Variants in NCKAP1 observed in about 807,000 individuals in gnomAD.
NCKAP1 encodes NCK associated protein 1.
NCKAP1 carries 21 observed loss-of-function variants against 151.2 expected under a neutral mutation model. That is an observed-to-expected ratio of 0.14 (90% CI 0.10 to 0.20). NCKAP1 has a LOEUF of 0.20. Among genes scored for constraint, NCKAP1 ranks in the 10% least tolerant of loss-of-function variants. The pLI is 1.00. For synonymous variants in NCKAP1, 484 were observed against 451.8 expected (o/e 1.07, Z -0.90); for missense variants, 933 against 1,352.1 (o/e 0.69, Z 4.86).
intron 10 of NCKAP1, among the ~76,000 whole-genome samples, 160 bp downstream of exon 10, chr2:182,986,011 T>C (rs553779213): frequency 9.2e-5 from 14 of 152,268 alleles, no homozygotes; most frequent in African/African-American, 2.9e-4. Flanking sequence ...TCCAAGGTTC[T>C]ACATATTGAG....
In NCKAP1 at chr2:183,023,925, C is replaced by A; in HGVS notation, c.109-9G>T. ...TTGGGGTCTCCACATGCCTATAAAA[C>A]AACAGTAATAAAAAAAAGTGAAATG... On this transcript the variant is annotated splice_polypyrimidine_tract_variant and intron_variant, in intron 1 of 30. Transcript: ENST00000361354. The A allele has an allele frequency of 6.4e-7, 1 of 1,555,392 alleles. No individual in the cohort carries two copies. Among genetic ancestry groups the A allele is most frequent in the South Asian group, 1.2e-5 (1 of 83,864 alleles).
At chr2:183,005,919 G>A (rs957041544) in intron 2 of NCKAP1, among the ~76,000 whole-genome samples, 3 of 151,976 alleles carry the variant, frequency 2.0e-5, no homozygotes, top group African/African-American at 4.8e-5. Context: ...TCAGAAAACC[G>A]CACCTGATTG....
rs1027317348 is a variant in NCKAP1, at chr2:182,918,540, T to C, written c.*7162A>G. 6.6e-6 allele frequency: 1 copy of C among 152,206 alleles called. No homozygotes were observed. The highest frequency in any genetic ancestry group is 6.5e-5 in the Admixed American group (1 of 15,278). 9.4% of individuals were successfully genotyped at this position (152,206 alleles called of 1,614,324 possible). ...AAACAATGTCTTTTTGCAGCAACTATGATGGAGCCAGAGGCCATTATTCTA... is the reference window on the plus strand; with the variant it reads ...AAACAATGTCTTTTTGCAGCAACTACGATGGAGCCAGAGGCCATTATTCTA... On this transcript the variant is annotated 3_prime_UTR_variant, in exon 31 of 31. Coordinates refer to ENST00000361354, the MANE Select transcript of NCKAP1 (RefSeq NM_013436.5).
rs768555045 is a variant in NCKAP1, at chr2:183,002,214, G to A, written c.425C>T (p.Thr142Ile). 2.5e-6 allele frequency: 4 copies of A among 1,576,056 alleles called. No homozygotes were observed. The highest frequency in any genetic ancestry group is 1.4e-5 in the African/African-American group (1 of 73,962). ...NYLDLIITYTTLMILLSRIEE... is the reference protein window; with the variant it reads ...NYLDLIITYTILMILLSRIEE... The stretch of plus-strand genomic sequence containing the variant: ...AATTCGAGACAGCAGTATCATTAGT[G>A]TTGTATAGGTTATAATTAAATCTAA... Residue 142 changes from threonine to isoleucine, a missense_variant, in exon 5 of 31, where the codon ACA (threonine) becomes ATA (isoleucine). Coordinates refer to ENST00000361354, the MANE Select transcript of NCKAP1 (RefSeq NM_013436.5).
At chr2:182,993,822 A>G (rs1184224932) in intron 8 of NCKAP1, among the ~76,000 whole-genome samples, 2 of 152,140 alleles carry the variant, frequency 1.3e-5, no homozygotes, top group Non-Finnish European at 2.9e-5. Flanking sequence ...CAATTTACCT[A>G]TATAACAAAC....
At chr2:182,985,595 AG>A (rs1355214611) in intron 10 of NCKAP1, among the ~76,000 whole-genome samples, 1 of 152,060 alleles carries the variant, frequency 6.6e-6, no homozygotes. Context: ...TGAGGTCAGG[AG>A]TTCAAGACCA....
At chr2:183,012,268 T>G (rs1186028828) in intron 2 of NCKAP1, among the ~76,000 whole-genome samples, 2 of 152,118 alleles carry the variant, frequency 1.3e-5, no homozygotes, top group East Asian at 3.9e-4. Flanking sequence ...CTAAGAGTGG[T>G]GAAAATGCTG....
At chr2:182,956,626 A>G (rs776909384) in intron 19 of NCKAP1, 33 bp from the exon 20 acceptor site, 1 of 1,571,850 alleles carries the variant, frequency 6.4e-7, no homozygotes, top group South Asian at 1.2e-5. Flanking sequence ...TAAAATGTTC[A>G]CATGTCATCA....
chr2:182,952,397 T>C lies in NCKAP1; in HGVS notation c.2601+8A>G, dbSNP rs570057924. The C allele has an allele frequency of 1.9e-6, 3 of 1,561,088 alleles. No individual in the cohort carries two copies. In the South Asian group the frequency reaches 3.5e-5, roughly 18 times the overall value. ...TTTAAAAGCTAAAATTAATAAAGACTATATTACCTTAAGTTCAGCAACTTG... is the reference window on the plus strand; with the variant it reads ...TTTAAAAGCTAAAATTAATAAAGACCATATTACCTTAAGTTCAGCAACTTG... On this transcript the variant is annotated splice_region_variant and intron_variant, in intron 23 of 30. Coordinates refer to ENST00000361354, the MANE Select transcript of NCKAP1 (RefSeq NM_013436.5).
At chr2:183,003,595 A>G (rs1220665508) in intron 2 of NCKAP1, among the ~76,000 whole-genome samples, 1 of 152,122 alleles carries the variant, frequency 6.6e-6, no homozygotes, top group East Asian at 1.9e-4. Flanking sequence ...TAGGAAAAAA[A>G]GTATCAAATG....
intron 2 of NCKAP1, among the ~76,000 whole-genome samples, chr2:183,018,079 C>A (rs1698727861): frequency 6.6e-6 from 1 of 152,042 alleles, no homozygotes; most frequent in Admixed American, 6.6e-5. Context: ...TGAAACCCGT[C>A]TCTACTAAAA....
chr2:182,933,156 A>G (rs1191103651), intron 26 of NCKAP1, among the ~76,000 whole-genome samples: 1 of 152,244 alleles, frequency 6.6e-6, no homozygotes, highest in Non-Finnish European at 1.5e-5. Flanking sequence ...GAAAATGGCA[A>G]TTGAATCAAG....
At chr2:182,966,177 A>T (rs1697565700) in intron 16 of NCKAP1, among the ~76,000 whole-genome samples, 1 of 152,182 alleles carries the variant, frequency 6.6e-6, no homozygotes, top group Non-Finnish European at 1.5e-5. Flanking sequence ...ATACTAGGTT[A>T]TTCCAGTCCT....
At chr2:183,032,855 T>C (rs978073997) in intron 1 of NCKAP1, among the ~76,000 whole-genome samples, 1 of 152,126 alleles carries the variant, frequency 6.6e-6, no homozygotes, top group Non-Finnish European at 1.5e-5. Flanking sequence ...GAGACCAGCC[T>C]GGGCAACACG....
rs56141716 is a variant in NCKAP1 at position 182,942,562 on chromosome 2, G to A, written c.2602-399C>T. Among the ~76,000 whole-genome samples the A allele has an allele frequency of 1.9e-3, 292 of 152,184 alleles. 2 individuals are homozygous for A. Among genetic ancestry groups the A allele is most frequent in the African/African-American group, 6.9e-3 (285 of 41,546 alleles). On this transcript the variant is annotated intron_variant, in intron 23 of 30. Coordinates refer to ENST00000361354, the MANE Select transcript of NCKAP1 (RefSeq NM_013436.5). ...GCCAAAGGCAGGCTAGAGTATGCCT[G>A]TAGACAATGAGTATTACTGGATACA...
rs1273615306 is a variant in NCKAP1 at position 182,925,800 on chromosome 2, A to G, written c.3289T>C (p.Phe1097Leu). ...LLDMIVQESPFLTMDLLESCF... is the reference protein window; with the variant it reads ...LLDMIVQESPLLTMDLLESCF... ...GATTCCAAAAGATCCATTGTAAGGAATGGAGATTCTTGTACAATCTGTAAA... is the reference window on the plus strand; with the variant it reads ...GATTCCAAAAGATCCATTGTAAGGAGTGGAGATTCTTGTACAATCTGTAAA... Residue 1097 changes from phenylalanine (F) to leucine (L), a missense_variant, in exon 31 of 31, where the codon TTC (phenylalanine) becomes CTC (leucine). By Grantham distance (22) the Phe-to-Leu change is conservative (BLOSUM62 0). This residue lies in a region of NCKAP1 where 326 missense variants were observed against 557.1 expected (regional missense o/e 0.59). Coordinates refer to ENST00000361354, the MANE Select transcript of NCKAP1 (RefSeq NM_013436.5). The G allele has an allele frequency of 1.9e-6, 3 of 1,574,172 alleles. No homozygotes were observed. Among genetic ancestry groups the G allele is most frequent in the Non-Finnish European group, 8.6e-7 (1 of 1,160,740 alleles).
intron 2 of NCKAP1, among the ~76,000 whole-genome samples, chr2:183,004,447 T>C (rs188697378): frequency 7.3e-6 from 1 of 137,536 alleles, no homozygotes; most frequent in Non-Finnish European, 1.5e-5. Flanking sequence ...GAGGAATATA[T>C]ATATATTTTT....
At chr2:182,999,805 G>A (rs1012769845) in intron 6 of NCKAP1, among the ~76,000 whole-genome samples, 3 of 152,126 alleles carry the variant, frequency 2.0e-5, no homozygotes, top group Admixed American at 1.3e-4. Context: ...TATGCACCAC[G>A]GAACACTATG....
At chr2:182,948,067 C>G (rs957270981) in intron 23 of NCKAP1, among the ~76,000 whole-genome samples, 24 of 152,112 alleles carry the variant, frequency 1.6e-4, no homozygotes, top group Middle Eastern at 3.4e-3. Context: ...GGAATCCTTA[C>G]AATTAACCTT....
Sources: gnomAD v4.1 joint callset for allele counts (sites outside exome capture counted in the v4.1 genomes callset) on GRCh38, gnomAD v4.1.1 for gene constraint, gnomAD v4.1.1 regional missense constraint, MANE v1.5 for transcripts, NCBI Gene and HGNC (gene_info 2026-07-23, HGNC 2026-07-21) for gene names.